TBC1D15: variants seen among roughly 807,000 people sequenced by gnomAD.
TBC1D15 encodes the protein GAP for RAB7.
A neutral mutation model predicts 95.4 loss-of-function variants in TBC1D15; 39 were observed. The ratio of observed to expected loss-of-function variants is 0.41; its 90% CI spans 0.32 to 0.53. The LOEUF (loss-of-function observed/expected upper bound fraction) is 0.53, where lower values mean the gene tolerates loss of function less well. Among genes scored for constraint, TBC1D15 ranks in the 20% least tolerant of loss-of-function variants. The pLI, the probability that TBC1D15 is intolerant of heterozygous loss-of-function variation, is 0.29. For synonymous variants in TBC1D15, 258 were observed against 261.3 expected (o/e 0.99, Z 0.12); for missense variants, 733 against 794.3 (o/e 0.92, Z 0.93).
Position 71,884,818 on chromosome 12 carries a change from A to G in TBC1D15, c.351A>G (p.Pro117=). The G allele has an allele frequency of 5.0e-6, 8 of 1,613,942 alleles. No individual in the cohort carries two copies. Among genetic ancestry groups the G allele is most frequent in the Non-Finnish European group, 6.8e-6 (8 of 1,179,896 alleles). The change falls in exon 5 of 17, where the codon CCA becomes CCG. Residue 117 remains proline, a synonymous_variant. Transcript: ENST00000485960. The part of the protein sequence containing the change: ...KRKPHTNGDA[P]SHRNGKSKWS... Reference sequence around the variant, plus strand: ...CACTTTCTTGTTTTTAAGATGCTCCAAGTCATAGAAATGGGAAAAGCAAAT... The same window carrying G: ...CACTTTCTTGTTTTTAAGATGCTCCGAGTCATAGAAATGGGAAAAGCAAAT...
chr12:71,884,572 T>C (rs1165013481), intron 4 of TBC1D15, among the ~76,000 whole-genome samples: 1 of 152,182 alleles, frequency 6.6e-6, no homozygotes, highest in Admixed American at 6.5e-5. Context: ...GCAAAGCTTG[T>C]ATTTTACATA....
intron 1 of TBC1D15, chr12:71,849,284 C>G: frequency 1.2e-6 from 1 of 844,594 alleles, no homozygotes; most frequent in East Asian, 2.5e-5. Context: ...GTTCTTTGTT[C>G]CACGCTTCTA....
intron 1 of TBC1D15, among the ~76,000 whole-genome samples, chr12:71,842,642 G>T (rs771530553): frequency 2.6e-5 from 4 of 151,508 alleles, no homozygotes; most frequent in Non-Finnish European, 4.4e-5. Flanking sequence ...ACCAGCTTGG[G>T]CAACATAACT....
At chr12:71,895,786 GCTAA>G (rs1182842722) in intron 7 of TBC1D15, among the ~76,000 whole-genome samples, 157 bp from the exon 8 acceptor site, 1 of 152,060 alleles carries the variant, frequency 6.6e-6, no homozygotes, top group Admixed American at 6.6e-5. Flanking sequence ...TACATGTAAT[GCTAA>G]CTATTATAGT....
chr12:71,893,287 A>C lies in TBC1D15; in HGVS notation c.620A>C (p.Glu207Ala). 6.2e-7 allele frequency: 1 copy of C among 1,610,320 alleles called. No homozygotes were observed. Among genetic ancestry groups the C allele is most frequent in the Non-Finnish European group, 8.5e-7 (1 of 1,178,016 alleles). Residue 207 changes from glutamate (E) to alanine (A), a missense_variant, in exon 6 of 17, where the codon GAA (glutamate) becomes GCA (alanine). Coordinates refer to ENST00000485960, the MANE Select transcript of TBC1D15 (RefSeq NM_001146213.3). ...CQNKSLSQSFENLLDEPAYGL... is the reference protein window; with the variant it reads ...CQNKSLSQSFANLLDEPAYGL... ...AATAAGAGTCTTTCACAGTCTTTTG[A>C]AAATCTTCTTGATGAGCCAGCATAT...
rs1272080617 is a variant in TBC1D15 at position 71,923,956 on chromosome 12, A to G, written c.*752A>G. ...TCAGTATGAGATCTTTTTCAAAACTATTTTCTTAAACATTTATTTCATGAG... is the reference window on the plus strand; with the variant it reads ...TCAGTATGAGATCTTTTTCAAAACTGTTTTCTTAAACATTTATTTCATGAG... On this transcript the variant is annotated 3_prime_UTR_variant, in exon 17 of 17. Transcript: ENST00000485960. 1 of 152,492 alleles carries G rather than the reference A, an allele frequency of 6.6e-6. No individual in the cohort carries two copies. The highest frequency in any genetic ancestry group is 1.5e-5 in the Non-Finnish European group (1 of 68,006). The allele number at this position is 152,492 out of a possible 1,614,324, so 9.4% of individuals were successfully genotyped here.
chr12:71,856,466 C>G (rs1182189585), intron 1 of TBC1D15, among the ~76,000 whole-genome samples: 2 of 151,016 alleles, frequency 1.3e-5, no homozygotes, highest in Admixed American at 1.3e-4. Flanking sequence ...TTGCATGTCT[C>G]TGGTAGTGTA....
In TBC1D15 at chr12:71,850,246, A is replaced by G. The variant is rs145738599; in HGVS notation, c.30+10435A>G. The G allele has an allele frequency of 1.3e-5, 7 of 541,790 alleles. No homozygotes were observed. In the Admixed American group the frequency reaches 1.4e-4, roughly 10 times the overall value. The allele number at this position is 541,790 out of a possible 1,614,324, so 33.6% of individuals were successfully genotyped here. A position where few individuals can be genotyped will look rare whatever the true frequency, so the allele number is the denominator to read the frequency against. ...GTATAACTCAGTTTTCTTCCTTTCA[A>G]AAGAAGTAACATTTCTCTGTCAAAT... is the stretch of plus-strand genomic sequence containing the variant. On this transcript the variant is annotated intron_variant, in intron 1 of 16. Coordinates refer to ENST00000485960, the MANE Select transcript of TBC1D15 (RefSeq NM_001146213.3).
At chr12:71,894,276 A>G in intron 6 of TBC1D15, 1 of 1,516,716 alleles carries the variant, frequency 6.6e-7, no homozygotes, top group Non-Finnish European at 9.0e-7. Context: ...ATTTTGTGTC[A>G]GAATAGCATG....
rs1363141973 is a variant in TBC1D15 at position 71,884,913 on chromosome 12, A to C, written c.446A>C (p.Tyr149Ser). The C allele has an allele frequency of 4.3e-6, 7 of 1,614,058 alleles. No homozygotes were observed. The highest frequency in any genetic ancestry group is 5.9e-6 in the Non-Finnish European group (7 of 1,179,944). Residue 149 changes from tyrosine to serine, a missense_variant, in exon 5 of 17, where the codon TAT becomes TCT. By Grantham distance (144) the Tyr-to-Ser change is moderately radical. Coordinates refer to ENST00000485960, the MANE Select transcript of TBC1D15 (RefSeq NM_001146213.3). ...KQNKEGMGWS[Y>S]LVFCLKDDVV... ...AACAAAGAGGGTATGGGCTGGTCCT[A>C]TTTGGTATTCTGTCTAAAGGATGAC...
At chr12:71,903,088 T>C in intron 10 of TBC1D15, among the ~76,000 whole-genome samples, 1 of 151,830 alleles carries the variant, frequency 6.6e-6, no homozygotes, top group Non-Finnish European at 1.5e-5. Context: ...ATTTTAGAAT[T>C]TTTTTTTAGA....
intron 6 of TBC1D15, 134 bp from the exon 7 acceptor site, chr12:71,894,552 A>G: frequency 2.8e-6 from 3 of 1,082,448 alleles, no homozygotes; most frequent in Non-Finnish European, 2.6e-6. Flanking sequence ...TACAAATTTA[A>G]GATAATCTTA....
intron 10 of TBC1D15, among the ~76,000 whole-genome samples, chr12:71,905,408 C>T (rs571643412): frequency 6.6e-6 from 1 of 152,276 alleles, no homozygotes; most frequent in African/African-American, 2.4e-5. Context: ...TCACTGCAGC[C>T]TCAACTTCCT....
chr12:71,906,805 A>T (rs547246468), intron 10 of TBC1D15, among the ~76,000 whole-genome samples: 3 of 152,330 alleles, frequency 2.0e-5, no homozygotes, highest in African/African-American at 4.8e-5. Context: ...AAAATATTTT[A>T]AAATCTGCCC....
intron 1 of TBC1D15, chr12:71,850,070 A>T (rs1887383068): frequency 2.1e-5 from 11 of 519,012 alleles, no homozygotes; most frequent in South Asian, 1.9e-4. Context: ...CATCGCTGTG[A>T]GTTTAAATTA....
At chr12:71,872,506 G>A (rs973318262) in intron 2 of TBC1D15, among the ~76,000 whole-genome samples, 7 of 152,164 alleles carry the variant, frequency 4.6e-5, no homozygotes, top group Admixed American at 1.3e-4. Context: ...CATAAAGCCT[G>A]TTTTATAATC....
In TBC1D15 at chr12:71,923,079, A is replaced by C; in HGVS notation, c.1900A>C (p.Thr634Pro). The change falls in exon 17 of 17, where the codon ACT becomes CCT. Residue 634 changes from threonine to proline, a missense_variant. Thr to Pro is a conservative substitution (Grantham distance 38, BLOSUM62 -1). Transcript: ENST00000485960. ...TGGTGAAGACGAAAATGTTGTCATG[A>C]CTCCTTGTCCTACATCTGCATTTCA... is the stretch of plus-strand genomic sequence containing the variant. ...DVGEDENVVMTPCPTSAFQSN... is the reference protein window; with the variant it reads ...DVGEDENVVMPPCPTSAFQSN... The C allele has an allele frequency of 6.2e-7, 1 of 1,613,962 alleles. No individual in the cohort carries two copies. The highest frequency in any genetic ancestry group is 1.3e-5 in the African/African-American group (1 of 74,952).
intron 12 of TBC1D15, among the ~76,000 whole-genome samples, chr12:71,914,843 C>G (rs905225433): frequency 6.6e-6 from 1 of 151,816 alleles, no homozygotes; most frequent in Non-Finnish European, 1.5e-5. Context: ...CTCCTTTTTT[C>G]TTTACTTCTA....
At chr12:71,840,682 G>A (rs568874151) in intron 1 of TBC1D15, among the ~76,000 whole-genome samples, 1 of 152,280 alleles carries the variant, frequency 6.6e-6, no homozygotes, top group African/African-American at 2.4e-5. Context: ...GAACACTAAT[G>A]GTTGTTTACT....
Sources: allele counts gnomAD v4.1 joint callset (sites outside exome capture counted in the v4.1 genomes callset), GRCh38; gene constraint gnomAD v4.1.1; transcripts MANE v1.5; gene names NCBI Gene and HGNC (gene_info 2026-07-23, HGNC 2026-07-21).